The following PSME4 variants were observed in gnomAD, a reference collection of about 807,000 sequenced individuals.
PSME4 encodes proteasome activator subunit 4, also known as proteasome activator complex subunit 4.
PSME4 carries 89 observed loss-of-function variants against 253.9 expected under a neutral mutation model. The observed-to-expected ratio is 0.35, with a 90% CI of 0.30 to 0.42. The LOEUF is 0.42. Among genes scored for constraint, PSME4 ranks in the 10% least tolerant of loss-of-function variants. The pLI is 1.00. For missense variants in PSME4, 2,014 were observed against 2,195.2 expected (o/e 0.92, Z 1.65); for synonymous variants, 851 against 759.2 (o/e 1.12, Z -1.99).
chr2:53,890,847 C>T (rs1326685259), intron 36 of PSME4, among the ~76,000 whole-genome samples: 1 of 151,948 alleles, frequency 6.6e-6, no homozygotes. Flanking sequence ...GGTCACATGG[C>T]GAAACCATGT....
intron 20 of PSME4, among the ~76,000 whole-genome samples, chr2:53,913,088 T>C (rs1667900986): frequency 6.6e-6 from 1 of 152,208 alleles, no homozygotes; most frequent in Non-Finnish European, 1.5e-5. Context: ...AACCATAGTA[T>C]CATTTAACCT....
intron 36 of PSME4, 40 bp downstream of exon 36, chr2:53,892,768 C>G: frequency 6.4e-7 from 1 of 1,568,022 alleles, no homozygotes; most frequent in Non-Finnish European, 8.6e-7. Flanking sequence ...GGTAACATAG[C>G]TTTAACAGGA....
At chr2:53,964,136 C>T (rs951594785) in intron 1 of PSME4, among the ~76,000 whole-genome samples, 2 of 151,860 alleles carry the variant, frequency 1.3e-5, no homozygotes, top group Non-Finnish European at 2.9e-5. Context: ...GAAAAGAAAA[C>T]GACAAGCTGT....
At chr2:53,937,767 G>A (rs1268878669) in intron 4 of PSME4, among the ~76,000 whole-genome samples, 1 of 152,158 alleles carries the variant, frequency 6.6e-6, no homozygotes, top group African/African-American at 2.4e-5. Context: ...GGAAGCTGAG[G>A]TCGATGGATC....
Position 53,892,831 on chromosome 2 carries a change from A to C in PSME4, c.4168T>G (p.Ser1390Ala). 2 of 1,613,584 alleles carry C rather than the reference A, an allele frequency of 1.2e-6. No homozygotes were observed. The highest frequency in any genetic ancestry group is 1.7e-6 in the Non-Finnish European group (2 of 1,179,778). Residue 1390 changes from serine (S) to alanine (A), a missense_variant, in exon 36 of 47, where the codon TCT becomes GCT. Around this residue, in one of 4 missense-constraint regions of PSME4, gnomAD observed 403 missense variants for 556.1 expected, o/e 0.72. Coordinates refer to ENST00000404125, the MANE Select transcript of PSME4 (RefSeq NM_014614.3). ...AEIIAGLIRG[S>A]KHWTFEKVEK... Reference sequence around the variant, plus strand: ...ACCTTTTCAAATGTCCAGTGCTTAGAACCTCTGATTAAACCAGCTATAATT... The same window carrying C: ...ACCTTTTCAAATGTCCAGTGCTTAGCACCTCTGATTAAACCAGCTATAATT...
At chr2:53,967,984 T>C (rs1474533842) in intron 1 of PSME4, among the ~76,000 whole-genome samples, 1 of 152,044 alleles carries the variant, frequency 6.6e-6, no homozygotes, top group Non-Finnish European at 1.5e-5. Context: ...CTCAAGAATT[T>C]AGTCCAGGCC....
Position 53,919,816 on chromosome 2 carries a change from GA to G in PSME4, c.2420+376del, listed in dbSNP as rs35216670. On this transcript the variant is annotated intron_variant, in intron 19 of 46. Transcript: ENST00000404125. ...TCTTGTTAAATACCTGTGGGAGAGG[GA>G]AAAAAAAATCTCATAAAAATAATTC... Among the ~76,000 whole-genome samples the G allele has an allele frequency of 1.8e-3, 268 of 150,748 alleles. 2 individuals are homozygous for G. Among genetic ancestry groups the G allele is most frequent in the East Asian group, 5.4e-3 (28 of 5,148 alleles).
In PSME4 at chr2:53,888,590, T is replaced by C. The variant is rs538400400; in HGVS notation, c.4388+131A>G. 4.6e-5 allele frequency: 27 copies of C among 590,154 alleles called. No homozygotes were observed. The South Asian group carries it at 8.6e-4, about 19-fold the overall frequency. 36.6% of individuals were successfully genotyped at this position (590,154 alleles called of 1,614,324 possible). ...GTATCACATGTTATATGGAACCAGA[T>C]CACATCACCTTCCAGAAGAAAGTAA... On this transcript the variant is annotated intron_variant, in intron 38 of 46. Coordinates refer to ENST00000404125, the MANE Select transcript of PSME4 (RefSeq NM_014614.3).
chr2:53,906,496 T>A (rs1360676484), intron 26 of PSME4, 102 bp downstream of exon 26: 1 of 1,378,470 alleles, frequency 7.3e-7, no homozygotes, highest in Non-Finnish European at 9.5e-7. Flanking sequence ...TAATTCCAAT[T>A]ATGGGTGAAA....
intron 1 of PSME4, among the ~76,000 whole-genome samples, chr2:53,960,036 C>T (rs1573379448): frequency 6.6e-6 from 1 of 152,296 alleles, no homozygotes; most frequent in East Asian, 1.9e-4. Context: ...GTTTAGAAAG[C>T]TGTCATCACT....
At chr2:53,891,661 A>G (rs962814223) in intron 36 of PSME4, among the ~76,000 whole-genome samples, 2 of 151,952 alleles carry the variant, frequency 1.3e-5, no homozygotes, top group African/African-American at 4.8e-5. Flanking sequence ...GGAGTTCGAG[A>G]CCAGCCTGGC....
chr2:53,868,207 A>G (rs1308013564), intron 44 of PSME4, among the ~76,000 whole-genome samples: 1 of 151,902 alleles, frequency 6.6e-6, no homozygotes, highest in Non-Finnish European at 1.5e-5. Context: ...CTGTAATCCC[A>G]GTATTCTAGA....
At chr2:53,880,262 C>T (rs2104417792) in intron 41 of PSME4, among the ~76,000 whole-genome samples, 1 of 152,154 alleles carries the variant, frequency 6.6e-6, no homozygotes, top group South Asian at 2.1e-4. Context: ...TTGAGAGCAG[C>T]CTGGGCCACT....
chr2:53,949,993 G>T (rs805447), intron 1 of PSME4, among the ~76,000 whole-genome samples: 35,482 of 152,020 alleles, frequency 0.23, 4,400 homozygotes, highest in South Asian at 0.32. Context: ...GACATAACCA[G>T]GCCAGGCAAA....
intron 3 of PSME4, among the ~76,000 whole-genome samples, chr2:53,943,109 A>C (rs1329040769): frequency 6.6e-6 from 1 of 152,228 alleles, no homozygotes; most frequent in African/African-American, 2.4e-5. Context: ...CTTCTAAACC[A>C]GGGAAAAGTA....
chr2:53,873,441 C>A (rs1012809695), intron 43 of PSME4, among the ~76,000 whole-genome samples: 1 of 151,998 alleles, frequency 6.6e-6, no homozygotes. Flanking sequence ...TACTACAAGA[C>A]AAAACTATGA....
Position 53,901,548 on chromosome 2 carries a change from G to C in PSME4, c.3087C>G (p.Tyr1029Ter). 1 of 1,605,974 alleles carries C rather than the reference G, an allele frequency of 6.2e-7. No homozygotes were observed. The highest frequency in any genetic ancestry group is 8.5e-7 in the Non-Finnish European group (1 of 1,173,822). ...CACCACTGTGATTTCCAAGGAGACA[G>C]TACAAGGCACCCTGCAGAAAAAAAA... is the stretch of plus-strand genomic sequence containing the variant. Reference protein sequence around the residue: ...VTQQQFKGALYCLLGNHSGVC... With the variant: ...VTQQQFKGAL Residue 1029 changes from tyrosine to a stop codon, truncating the protein, a stop_gained, in exon 28 of 47, where the codon TAC (tyrosine) becomes TAG (stop). Coordinates refer to ENST00000404125, the MANE Select transcript of PSME4 (RefSeq NM_014614.3). LOFTEE classifies it high-confidence loss of function.
Position 53,906,705 on chromosome 2 carries a change from A to G in PSME4, c.2848-12T>C, listed in dbSNP as rs1680675710. ...GTTAGTGTCCGTAGCTAAGAAAACA[A>G]TCGCAAACATTTACTAAAATTTGAT... On this transcript the variant is annotated splice_polypyrimidine_tract_variant and intron_variant, in intron 25 of 46. Transcript: ENST00000404125. The G allele has an allele frequency of 6.3e-7, 1 of 1,594,566 alleles. No homozygotes were observed.
intron 31 of PSME4, 63 bp from the exon 32 acceptor site, chr2:53,896,948 C>T: frequency 1.6e-6 from 2 of 1,221,460 alleles, no homozygotes; most frequent in Non-Finnish European, 2.4e-6. Context: ...TGGTTGTCTG[C>T]TTTACTCAAA....
Sources: allele counts gnomAD v4.1 joint callset (sites outside exome capture counted in the v4.1 genomes callset), GRCh38; gene constraint gnomAD v4.1.1; regional missense constraint gnomAD v4.1.1; transcripts MANE v1.5; gene names NCBI Gene and HGNC (gene_info 2026-07-23, HGNC 2026-07-21).